MTFR1: variants seen among roughly 807,000 people sequenced by gnomAD.
MTFR1 encodes mitochondrial fission regulator 1.
In MTFR1, 28 loss-of-function variants were observed where a neutral mutation model predicts 38.8. The ratio of observed to expected loss-of-function variants is 0.72; its 90% confidence interval spans 0.53 to 0.99. MTFR1 has a LOEUF of 0.99. Ranked by LOEUF, MTFR1 falls within the 50% of genes least tolerant of loss-of-function variation. The pLI is 0.00. For missense variants in MTFR1, 358 were observed against 395.5 expected (o/e 0.91, Z 0.81); for synonymous variants, 145 against 137.0 (o/e 1.06, Z -0.41).
intron 3 of MTFR1, among the ~76,000 whole-genome samples, chr8:65,744,711 AAAAAAT>A (rs1264767547): frequency 3.9e-5 from 6 of 152,230 alleles, no homozygotes; most frequent in Non-Finnish European, 8.8e-5. Flanking sequence ...AAAAGAAACC[AAAAAAT>A]AAAAATAAAA....
chr8:65,655,682 G>T (rs906270242), intron 1 of MTFR1, among the ~76,000 whole-genome samples: 2 of 151,796 alleles, frequency 1.3e-5, no homozygotes, highest in Admixed American at 1.3e-4. Flanking sequence ...AGGTGCAGTG[G>T]CTAAAGGCTG....
At chr8:65,702,908 A>G (rs1805658740) in intron 4 of MTFR1, among the ~76,000 whole-genome samples, 1 of 152,288 alleles carries the variant, frequency 6.6e-6, no homozygotes, top group East Asian at 1.9e-4. Flanking sequence ...AGAGAGCTAG[A>G]TAATTCAGTG....
rs1295965698 is a variant in MTFR1 at position 65,730,171 on chromosome 8, C to CTTCTTTTTTTTTT, written c.*48+10692_*48+10693insCTTTTTTTTTTTT. Among the ~76,000 whole-genome samples the CTTCTTTTTTTTTT allele has an allele frequency of 5.5e-3, 471 of 86,418 alleles. 84 individuals are homozygous for CTTCTTTTTTTTTT. The highest frequency in any genetic ancestry group is 0.019 in the African/African-American group (398 of 20,916). 56.7% of individuals were successfully genotyped at this position (86,418 alleles called of 152,430 possible). On this transcript the variant is annotated intron_variant, in intron 3 of 3. Coordinates refer to the MTFR1 transcript ENST00000521247. ...TGTGAGGGATCCAGGTTGCGCACTT[C>CTTCTTTTTTTTTT]TTTTTTTTTTTTTTTTTTTTTTTTT...
intron 1 of MTFR1, among the ~76,000 whole-genome samples, chr8:65,651,691 C>T (rs187391762): frequency 3.3e-5 from 5 of 152,114 alleles, no homozygotes; most frequent in South Asian, 2.1e-4. Context: ...CATGTTGTCT[C>T]GGTTACTATA....
At chr8:65,733,754 C>T (rs1354649382) in intron 3 of MTFR1, among the ~76,000 whole-genome samples, 2 of 152,138 alleles carry the variant, frequency 1.3e-5, no homozygotes, top group Non-Finnish European at 2.9e-5. Context: ...GATATATATA[C>T]TAAAAAACGG....
At chr8:65,735,264 C>T (rs1458829368) in intron 3 of MTFR1, among the ~76,000 whole-genome samples, 1 of 152,154 alleles carries the variant, frequency 6.6e-6, no homozygotes, top group Non-Finnish European at 1.5e-5. Context: ...CAGAATTCTG[C>T]ACTTGCTTCC....
Position 65,758,377 on chromosome 8 carries a change from G to A in MTFR1, c.*49-12570G>A, listed in dbSNP as rs534964254. ...TAGGACTACTGTATCAGGTAAGGGG[G>A]AAAAAATGTTTTTAGGTGATTTGGG... On this transcript the variant is annotated intron_variant, in intron 3 of 3. Coordinates refer to the MTFR1 transcript ENST00000521247. 2.1e-4 allele frequency among the ~76,000 whole-genome samples: 32 copies of A among 152,210 alleles called. No individual in the cohort carries two copies. In the East Asian group the frequency reaches 6.0e-3, roughly 29 times the overall value.
At chr8:65,697,276 C>T (rs143238919) in intron 4 of MTFR1, among the ~76,000 whole-genome samples, 7 of 151,992 alleles carry the variant, frequency 4.6e-5, no homozygotes, top group African/African-American at 1.4e-4. Flanking sequence ...TGAGCCACCG[C>T]GCCTGGCCAA....
chr8:65,700,802 G>C (rs1805593839), intron 4 of MTFR1, among the ~76,000 whole-genome samples: 1 of 152,134 alleles, frequency 6.6e-6, no homozygotes, highest in Non-Finnish European at 1.5e-5. Flanking sequence ...CTTACAATTT[G>C]CCTGCTAGGA....
intron 1 of MTFR1, among the ~76,000 whole-genome samples, chr8:65,648,638 C>T (rs1229180882): frequency 2.0e-5 from 3 of 152,050 alleles, no homozygotes; most frequent in East Asian, 1.9e-4. Context: ...TCCGACTCCA[C>T]CGGGAGATAT....
intron 1 of MTFR1, among the ~76,000 whole-genome samples, chr8:65,648,033 A>G (rs1189948870): frequency 2.0e-5 from 3 of 150,248 alleles, no homozygotes; most frequent in Non-Finnish European, 1.5e-5. Context: ...TTGTTTTGAG[A>G]TGGAGTCTCG....
chr8:65,729,839 A>T (rs1315561743), intron 3 of MTFR1, among the ~76,000 whole-genome samples: 1 of 151,684 alleles, frequency 6.6e-6, no homozygotes, highest in Non-Finnish European at 1.5e-5. Flanking sequence ...AAAGTGCTGG[A>T]ATCACAGGCA....
rs1016315633 is a variant in MTFR1, at chr8:65,672,290, A to G, written c.66+2272A>G. Among the ~76,000 whole-genome samples, 9 of 152,246 alleles carry G rather than the reference A, an allele frequency of 5.9e-5. No homozygotes were observed. The East Asian group carries it at 1.3e-3, about 23-fold the overall frequency. On this transcript the variant is annotated intron_variant, in intron 2 of 7. Coordinates refer to ENST00000262146, the MANE Select transcript of MTFR1 (RefSeq NM_014637.4). ...GCAATGTGATCTTTTGGGGTTAACT[A>G]ATTTCCAGTATTTTTTAGCTTGTTG...
chr8:65,757,863 C>T (rs372711305), intron 3 of MTFR1, among the ~76,000 whole-genome samples: 4 of 152,150 alleles, frequency 2.6e-5, no homozygotes, highest in Admixed American at 6.6e-5. Flanking sequence ...GTGATCCGAC[C>T]GCCTTGGCCT....
intron 7 of MTFR1, 184 bp downstream of exon 7, chr8:65,708,195 C>A: frequency 8.5e-7 from 1 of 1,175,136 alleles, no homozygotes; most frequent in Non-Finnish European, 1.2e-6. Flanking sequence ...CTTTGCTTAG[C>A]ATTTACACTT....
intron 5 of MTFR1, among the ~76,000 whole-genome samples, chr8:65,706,644 T>C (rs1349460632): frequency 1.3e-5 from 2 of 152,334 alleles, no homozygotes; most frequent in Non-Finnish European, 2.9e-5. Context: ...ATCATTAAAA[T>C]AATACTAAAT....
At chr8:65,731,626 T>C (rs578178172) in intron 3 of MTFR1, 2 of 152,244 alleles carry the variant, frequency 1.3e-5, no homozygotes, top group African/African-American at 4.8e-5. Context: ...TCCACATGAG[T>C]TCAGCCTTGA....
chr8:65,702,297 C>CTTTTTT (rs530863447), intron 4 of MTFR1, among the ~76,000 whole-genome samples: 11 of 110,268 alleles, frequency 1.0e-4, no homozygotes, highest in Non-Finnish European at 1.7e-4. Flanking sequence ...TTCTTTCTTT[C>CTTTTTT]TTTTTTTTTT....
At chr8:65,667,697 A>G (rs749837024) in intron 1 of MTFR1, among the ~76,000 whole-genome samples, 1 of 152,126 alleles carries the variant, frequency 6.6e-6, no homozygotes, top group Non-Finnish European at 1.5e-5. Context: ...AGAGTGTTGG[A>G]ATTACAGGTG....
Sources: allele counts gnomAD v4.1 joint callset (sites outside exome capture counted in the v4.1 genomes callset), GRCh38; gene constraint gnomAD v4.1.1; transcripts MANE v1.5; gene names NCBI Gene and HGNC (gene_info 2026-07-23, HGNC 2026-07-21).